Variants in ATP1A3 observed in about 807,000 individuals in gnomAD.
ATP1A3 encodes ATPase Na+/K+ transporting subunit alpha 3.
A neutral mutation model predicts 108.8 loss-of-function variants in ATP1A3; 12 were observed. The ratio of observed to expected loss-of-function variants is 0.11; its 90% CI spans 0.07 to 0.18. The LOEUF (loss-of-function observed/expected upper bound fraction) is 0.18, where lower values mean the gene tolerates loss of function less well. ATP1A3 is among the 10% of genes least tolerant of loss of function. The pLI is 1.00. For synonymous variants in ATP1A3, 539 were observed against 564.5 expected (o/e 0.95, Z 0.64); for missense variants, 498 against 1,387.7 (o/e 0.36, Z 10.19).
intron 16 of ATP1A3, among the ~76,000 whole-genome samples, chr19:41,970,914 G>C (rs183168976): frequency 6.7e-6 from 1 of 149,586 alleles, no homozygotes; most frequent in Admixed American, 6.7e-5. Flanking sequence ...TTACAGGCGT[G>C]AGCCACCGCG....
chr19:41,977,170 G>A (rs1410911891), intron 14 of ATP1A3, among the ~76,000 whole-genome samples: 3 of 151,956 alleles, frequency 2.0e-5, no homozygotes, highest in Admixed American at 2.0e-4. Context: ...CAGAGTCAGA[G>A]ATAGGTATGA....
At chr19:41,993,747 C>G (rs575564221) in intron 1 of ATP1A3, 1 of 604,322 alleles carries the variant, frequency 1.7e-6, no homozygotes, top group Non-Finnish European at 2.9e-6. Context: ...ACACTCGCTG[C>G]CAGGGCCTGA....
rs2145964785 is a variant in ATP1A3 at position 41,978,160 on chromosome 19, T to C, written c.1797A>G (p.Ala599=). ...VPDAVGKCRS[A]GIKVIMVTGD... ...CCACCCCAAGCCACACCTTGATGCC[T>C]GCGCTGCGACACTTGCCCACCGCGT... Residue 599 remains alanine, a synonymous_variant, in exon 13 of 23, where the codon GCA becomes GCG. Coordinates refer to ENST00000648268, the MANE Select transcript of ATP1A3 (RefSeq NM_152296.5). The surrounding 1 kb of genome is among the most constrained non-coding windows in gnomAD (Gnocchi z 8.3). 1 of 1,614,190 alleles carries C rather than the reference T, an allele frequency of 6.2e-7. No individual in the cohort carries two copies. The highest frequency in any genetic ancestry group is 2.2e-5 in the East Asian group (1 of 44,884).
chr19:41,967,222 C>CT lies in ATP1A3; in HGVS notation c.3013+26dup, dbSNP rs782170855. 8.7e-6 allele frequency: 14 copies of CT among 1,613,960 alleles called. No individual in the cohort carries two copies. Among genetic ancestry groups the CT allele is most frequent in the Non-Finnish European group, 1.2e-5 (14 of 1,179,940 alleles). ...TGAGACCCTGCTGCCCCCCGCCCCC[C>CT]TCGGCTGCCTTGCCGAGCTCCCTCA... On this transcript the variant is annotated intron_variant, in intron 22 of 22. Transcript: ENST00000648268. This position sits in a 1 kb window ranked among gnomAD's most constrained non-coding sequence, Gnocchi z 4.2.
In ATP1A3 at chr19:41,967,832, A is replaced by C; in HGVS notation, c.2820-69T>G. Reference sequence around the variant, plus strand: ...CCTGCACCTGCCACCCCGCAGAGACAGGGGGAGGCACAGTGCAGACACCCA... The same window carrying C: ...CCTGCACCTGCCACCCCGCAGAGACCGGGGGAGGCACAGTGCAGACACCCA... On this transcript the variant is annotated intron_variant, in intron 20 of 22. Coordinates refer to ENST00000648268, the MANE Select transcript of ATP1A3 (RefSeq NM_152296.5). This position sits in a 1 kb window ranked among gnomAD's most constrained non-coding sequence, Gnocchi z 4.2. 7.2e-7 allele frequency: 1 copy of C among 1,393,750 alleles called. No homozygotes were observed. Among genetic ancestry groups the C allele is most frequent in the Non-Finnish European group, 1.0e-6 (1 of 993,178 alleles). 86.3% of individuals were successfully genotyped at this position (1,393,750 alleles called of 1,614,324 possible).
In ATP1A3 at chr19:41,986,249, T is replaced by C; in HGVS notation, c.358-20A>G. 1.2e-6 allele frequency: 2 copies of C among 1,612,332 alleles called. No homozygotes were observed. Among genetic ancestry groups the C allele is most frequent in the Non-Finnish European group, 1.7e-6 (2 of 1,179,332 alleles). On this transcript the variant is annotated intron_variant, in intron 4 of 22. Coordinates refer to ENST00000648268, the MANE Select transcript of ATP1A3 (RefSeq NM_152296.5). ...GTACAGCTGTGGGGAGATGTGGGGA[T>C]GTTGATCAGGGGCCGCCCAAGCCAC...
chr19:41,969,685 C>A, intron 18 of ATP1A3, 105 bp from the exon 19 acceptor site: 1 of 1,444,718 alleles, frequency 6.9e-7, no homozygotes, highest in African/African-American at 1.4e-5. Flanking sequence ...GGGGAGTATG[C>A]CCTCCTGGCC....
chr19:41,967,599 T>A lies in ATP1A3; in HGVS notation c.2921+63A>T. On this transcript the variant is annotated intron_variant, in intron 21 of 22. Transcript: ENST00000648268. The surrounding 1 kb of genome is among the most constrained non-coding windows in gnomAD (Gnocchi z 4.2). ...GGTGGGGCCTGAGGTTCAGGCTGAG[T>A]CTAAGGGAAGGCTCCATGGCAGGCG... The A allele has an allele frequency of 6.4e-7, 1 of 1,554,498 alleles. No homozygotes were observed.
chr19:41,979,184 G>T (rs1434933854), intron 11 of ATP1A3, among the ~76,000 whole-genome samples: 1 of 151,236 alleles, frequency 6.6e-6, no homozygotes, highest in Non-Finnish European at 1.5e-5. Flanking sequence ...TGTATTTTTA[G>T]TAGAGACGGG....
Position 41,966,935 on chromosome 19 carries a change from G to C in ATP1A3, c.*2C>G. 1 of 1,551,404 alleles carries C rather than the reference G, an allele frequency of 6.4e-7. No homozygotes were observed. Among genetic ancestry groups the C allele is most frequent in the Non-Finnish European group, 8.7e-7 (1 of 1,146,980 alleles). On this transcript the variant is annotated 3_prime_UTR_variant, in exon 23 of 23. Coordinates refer to ENST00000648268, the MANE Select transcript of ATP1A3 (RefSeq NM_152296.5). ...GAGATGGGCGATGTGGTGGGGCTGA[G>C]GTCAGTAGTAGGTTTCCTTCTCCAC...
chr19:41,992,496 C>T (rs1599730067), intron 1 of ATP1A3, among the ~76,000 whole-genome samples: 1 of 152,114 alleles, frequency 6.6e-6, no homozygotes, highest in East Asian at 1.9e-4. Flanking sequence ...CCTTCCCCCT[C>T]GCAGGGGACC....
Position 41,977,181 on chromosome 19 carries a change from G to T in ATP1A3, c.1944-615C>A, listed in dbSNP as rs2075180097. 2.0e-5 allele frequency among the ~76,000 whole-genome samples: 3 copies of T among 151,862 alleles called. No homozygotes were observed. In the South Asian group the frequency reaches 6.2e-4, roughly 32 times the overall value. ...AAGGCAGAGTCAGAGATAGGTATGA[G>T]GATGGGAAAGTTGAAGAAGTCAGAA... On this transcript the variant is annotated intron_variant, in intron 14 of 22. Coordinates refer to ENST00000648268, the MANE Select transcript of ATP1A3 (RefSeq NM_152296.5).
rs2075060120 is a variant in ATP1A3 at position 41,967,807 on chromosome 19, C to G, written c.2820-44G>C. The G allele has an allele frequency of 6.4e-7, 1 of 1,566,176 alleles. No homozygotes were observed. The highest frequency in any genetic ancestry group is 1.7e-5 in the Admixed American group (1 of 57,704). On this transcript the variant is annotated intron_variant, in intron 20 of 22. Coordinates refer to ENST00000648268, the MANE Select transcript of ATP1A3 (RefSeq NM_152296.5). The surrounding 1 kb of genome is among the most constrained non-coding windows in gnomAD (Gnocchi z 4.2). ...AGGGCTGGGCCCAGAGAGCACCCACCCTGCACCTGCCACCCCGCAGAGACA... is the reference window on the plus strand; with the variant it reads ...AGGGCTGGGCCCAGAGAGCACCCACGCTGCACCTGCCACCCCGCAGAGACA...
rs2217342 is a variant in ATP1A3 at position 41,985,364 on chromosome 19, A to T, written c.666T>A (p.Thr222=). The T allele has an allele frequency of 4.7e-5, 76 of 1,614,160 alleles. No individual in the cohort carries two copies. In the South Asian group the frequency reaches 6.1e-4, roughly 13 times the overall value. ...TCCGAGTCTCCAAGGGGTTGTCGTG[A>T]GTGCAGTCGGGAGAGCGAGTCTGGG... ...SEPQTRSPDC[T]HDNPLETRNI... Residue 222 remains threonine (T), a synonymous_variant, in exon 7 of 23, where the codon ACT becomes ACA. Transcript: ENST00000648268. The surrounding 1 kb of genome is among the most constrained non-coding windows in gnomAD (Gnocchi z 8.2).
chr19:41,967,622 G>A lies in ATP1A3; in HGVS notation c.2921+40C>T. 6.3e-7 allele frequency: 1 copy of A among 1,599,794 alleles called. No homozygotes were observed. Among genetic ancestry groups the A allele is most frequent in the Non-Finnish European group, 8.6e-7 (1 of 1,169,376 alleles). ...AGTCTAAGGGAAGGCTCCATGGCAG[G>A]CGCTGGTGTGGGCAGGGCTGGGGGC... On this transcript the variant is annotated intron_variant, in intron 21 of 22. Transcript: ENST00000648268. The surrounding 1 kb of genome is among the most constrained non-coding windows in gnomAD (Gnocchi z 4.2).
chr19:41,978,368 G>C lies in ATP1A3; in HGVS notation c.1631-42C>G. 6.4e-7 allele frequency: 1 copy of C among 1,563,948 alleles called. No homozygotes were observed. Among genetic ancestry groups the C allele is most frequent in the African/African-American group, 1.3e-5 (1 of 74,188 alleles). On this transcript the variant is annotated intron_variant, in intron 12 of 22. Coordinates refer to ENST00000648268, the MANE Select transcript of ATP1A3 (RefSeq NM_152296.5). This position sits in a 1 kb window ranked among gnomAD's most constrained non-coding sequence, Gnocchi z 8.3. ...GTTGGGGTGTGAGGGTCCCAGCCTC[G>C]GAACCTCCGCCCCATGCCCCTAGAT...
At position 41,976,408 on chromosome 19, in the gene ATP1A3, C is replaced by A; in HGVS notation, c.2094+8G>T. ...CCCCGTCCCCTCCTCTGCGGGAGCG[C>A]AGCCCACCTGTCTCTGACAGCCCTC... is the stretch of plus-strand genomic sequence containing the variant. On this transcript the variant is annotated splice_region_variant and intron_variant, in intron 15 of 22. Coordinates refer to ENST00000648268, the MANE Select transcript of ATP1A3 (RefSeq NM_152296.5). The A allele has an allele frequency of 6.2e-7, 1 of 1,614,174 alleles. No individual in the cohort carries two copies. Among genetic ancestry groups the A allele is most frequent in the Non-Finnish European group, 8.5e-7 (1 of 1,180,022 alleles).
chr19:41,968,719 C>A lies in ATP1A3; in HGVS notation c.2819+66G>T. ...CAAAGCAAGGACACAAGAGGAAGTA[C>A]ACAGACAGACAGACACTCGGACAGG... is the stretch of plus-strand genomic sequence containing the variant. On this transcript the variant is annotated intron_variant, in intron 20 of 22. Coordinates refer to ENST00000648268, the MANE Select transcript of ATP1A3 (RefSeq NM_152296.5). The surrounding 1 kb of genome is among the most constrained non-coding windows in gnomAD (Gnocchi z 5.0). 6.2e-7 allele frequency: 1 copy of A among 1,608,022 alleles called. No individual in the cohort carries two copies. Among genetic ancestry groups the A allele is most frequent in the South Asian group, 1.1e-5 (1 of 90,956 alleles).
intron 16 of ATP1A3, 39 bp downstream of exon 16, chr19:41,975,589 TA>T: frequency 1.2e-6 from 2 of 1,612,744 alleles, no homozygotes; most frequent in Admixed American, 3.3e-5. Context: ...AGGCCTCCGG[TA>T]GTGACCCTGG....
Sources: allele counts gnomAD v4.1 joint callset (sites outside exome capture counted in the v4.1 genomes callset), GRCh38; gene constraint gnomAD v4.1.1; non-coding constraint Gnocchi (gnomAD v3.1); transcripts MANE v1.5; gene names NCBI Gene and HGNC (gene_info 2026-07-23, HGNC 2026-07-21).